PKD1L1: variants seen among roughly 807,000 people sequenced by gnomAD.
PKD1L1 encodes polycystin 1 like 1, transient receptor potential channel interacting, also known as polycystin-1-like protein 1.
A neutral mutation model predicts 323.4 loss-of-function variants in PKD1L1; 236 were observed. That is an observed-to-expected ratio of 0.73 (90% CI 0.66 to 0.81). The LOEUF (loss-of-function observed/expected upper bound fraction) is 0.81, where lower values mean the gene tolerates loss of function less well. PKD1L1 is among the 40% of genes least tolerant of loss of function. The pLI is 0.00. For synonymous variants in PKD1L1, 1,344 were observed against 1,335.0 expected (o/e 1.01, Z -0.15); for missense variants, 3,320 against 3,508.0 (o/e 0.95, Z 1.35).
At chr7:47,939,441 C>G (rs572646850) in intron 3 of PKD1L1, among the ~76,000 whole-genome samples, 2 of 152,246 alleles carry the variant, frequency 1.3e-5, no homozygotes, top group African/African-American at 4.8e-5. Context: ...CTGTGCATGT[C>G]CCTTTGGAAC....
intron 7 of PKD1L1, among the ~76,000 whole-genome samples, chr7:47,920,014 C>T (rs2128753429): frequency 6.6e-6 from 1 of 152,142 alleles, no homozygotes; most frequent in East Asian, 1.9e-4. Context: ...AAGTCCTAGC[C>T]AGAGCAATCA....
At chr7:47,784,942 C>G (rs1786775372) in intron 56 of PKD1L1, among the ~76,000 whole-genome samples, 1 of 152,058 alleles carries the variant, frequency 6.6e-6, no homozygotes, top group Non-Finnish European at 1.5e-5. Flanking sequence ...CATCACCCAC[C>G]ACTTCTTTTT....
At chr7:47,924,346 G>A (rs1052277814) in intron 7 of PKD1L1, among the ~76,000 whole-genome samples, 23 of 152,188 alleles carry the variant, frequency 1.5e-4, no homozygotes, top group African/African-American at 4.8e-4. Flanking sequence ...CCTTGGCAGG[G>A]ATGTGAGGGG....
chr7:47,942,331 C>T (rs1317149503), intron 2 of PKD1L1, among the ~76,000 whole-genome samples: 1 of 152,058 alleles, frequency 6.6e-6, no homozygotes, highest in South Asian at 2.1e-4. Context: ...CAGGCAAACC[C>T]CTGGCATTTA....
chr7:47,790,716 T>C (rs2128723238), intron 56 of PKD1L1, among the ~76,000 whole-genome samples: 1 of 152,296 alleles, frequency 6.6e-6, no homozygotes, highest in Middle Eastern at 3.4e-3. Flanking sequence ...TTATCTTTTT[T>C]TAAGTCCAGC....
In PKD1L1 at chr7:47,866,399, C is replaced by T; in HGVS notation, c.4092+20G>A. On this transcript the variant is annotated intron_variant, in intron 25 of 56. Coordinates refer to ENST00000289672, the MANE Select transcript of PKD1L1 (RefSeq NM_138295.5). ...GATAAAGGTTTACAGACACTAAACT[C>T]ACCCTCCTCTGAGCCATACCTGATC... is the stretch of plus-strand genomic sequence containing the variant. 2 of 1,607,048 alleles carry T rather than the reference C, an allele frequency of 1.2e-6. No individual in the cohort carries two copies. Among genetic ancestry groups the T allele is most frequent in the Non-Finnish European group, 1.7e-6 (2 of 1,177,542 alleles).
chr7:47,791,288 C>T (rs949872297), intron 56 of PKD1L1, among the ~76,000 whole-genome samples: 2 of 152,100 alleles, frequency 1.3e-5, no homozygotes, highest in Admixed American at 1.3e-4. Context: ...AACTTTTTTT[C>T]TCTTGCAGAA....
chr7:47,880,284 A>ATATTTTTTTTTT (rs1225214936), intron 21 of PKD1L1, among the ~76,000 whole-genome samples: 1 of 56,778 alleles, frequency 1.8e-5, no homozygotes, highest in South Asian at 7.3e-4. Flanking sequence ...ATATATATAT[A>ATATTTTTTTTTT]TTTTTTTTTT....
chr7:47,824,062 G>A (rs976673438), intron 45 of PKD1L1, among the ~76,000 whole-genome samples: 1 of 152,158 alleles, frequency 6.6e-6, no homozygotes, highest in Non-Finnish European at 1.5e-5. Flanking sequence ...GTTATTAATT[G>A]CTCCCTTGCC....
At chr7:47,884,478 C>T in intron 19 of PKD1L1, 120 bp downstream of exon 19, 1 of 878,102 alleles carries the variant, frequency 1.1e-6, no homozygotes, top group Non-Finnish European at 1.9e-6. Context: ...TCAACTTTTC[C>T]CTGTGATTCT....
rs76044743 is a variant in PKD1L1 at position 47,885,937 on chromosome 7, G to A, written c.2954C>T (p.Thr985Ile). 8.8e-3 allele frequency: 14,269 copies of A among 1,614,204 alleles called. 95 individuals are homozygous for A. Among genetic ancestry groups the A allele is most frequent in the African/African-American group, 0.03 (2,241 of 75,054 alleles). ...TGAAGGTTCCCGTGAGAATGGTGTGGTCGTTGCATCAGGATCTGCAGTGCC... is the reference window on the plus strand; with the variant it reads ...TGAAGGTTCCCGTGAGAATGGTGTGATCGTTGCATCAGGATCTGCAGTGCC... ...EPGTADPDATTTPFSREPSPV... is the reference protein window; with the variant it reads ...EPGTADPDATITPFSREPSPV... Residue 985 changes from threonine to isoleucine, a missense_variant, in exon 18 of 57, where the codon ACC becomes ATC. Physicochemically the swap from Thr to Ile is moderately conservative, Grantham distance 89. Coordinates refer to ENST00000289672, the MANE Select transcript of PKD1L1 (RefSeq NM_138295.5).
intron 21 of PKD1L1, among the ~76,000 whole-genome samples, chr7:47,878,917 G>A (rs1190633448): frequency 6.6e-6 from 1 of 152,238 alleles, no homozygotes; most frequent in Non-Finnish European, 1.5e-5. Context: ...GGTGGGCCAT[G>A]GAGAGACTCT....
At position 47,839,727 on chromosome 7, in the gene PKD1L1, C is replaced by G; in HGVS notation, c.5553-65G>C. On this transcript the variant is annotated intron_variant, in intron 35 of 56. Transcript: ENST00000289672. The surrounding 1 kb of genome is among the most constrained non-coding windows in gnomAD (Gnocchi z 4.3). ...CAGTGTGGTCCTGGCATCCCATCAG[C>G]CCCAATGCTCACCCTCAAGGCACTG... The G allele has an allele frequency of 1.4e-6, 2 of 1,450,228 alleles. No homozygotes were observed. The highest frequency in any genetic ancestry group is 1.9e-6 in the Non-Finnish European group (2 of 1,064,424). The allele number at this position is 1,450,228 out of a possible 1,614,324, so 89.8% of individuals were successfully genotyped here. A position where few individuals can be genotyped will look rare whatever the true frequency, so the allele number is the denominator to read the frequency against.
chr7:47,944,684 G>A (rs1406946275), intron 1 of PKD1L1, among the ~76,000 whole-genome samples: 1 of 152,242 alleles, frequency 6.6e-6, no homozygotes, highest in African/African-American at 2.4e-5. Flanking sequence ...CACAGCTGGT[G>A]ACTTTCCCTC....
At chr7:47,835,100 G>A (rs766684645) in intron 38 of PKD1L1, 33 bp downstream of exon 38, 1 of 1,607,224 alleles carries the variant, frequency 6.2e-7, no homozygotes, top group East Asian at 2.2e-5. Context: ...GGCTGCTCAG[G>A]AGAACAGGGC....
chr7:47,947,583 A>G lies in PKD1L1; in HGVS notation c.44+814T>C, dbSNP rs572197242. On this transcript the variant is annotated intron_variant, in intron 1 of 56. Transcript: ENST00000289672. ...GTTTGCACCATGTCACACTGCCATG[A>G]GACAGTCAACAGCAGAGCACACAGG... 3.0e-4 allele frequency among the ~76,000 whole-genome samples: 46 copies of G among 152,390 alleles called. 1 individual carries two copies. Among genetic ancestry groups the G allele is most frequent in the Admixed American group, 1.7e-3 (26 of 15,312 alleles).
the PKD1L1 span, among the ~76,000 whole-genome samples, chr7:47,959,856 C>T: frequency 1.1e-4 from 16 of 150,624 alleles, no homozygotes; most frequent in Non-Finnish European, 1.9e-4. Context: ...GCCACCACCC[C>T]GTCTGGGAGG....
intron 47 of PKD1L1, among the ~76,000 whole-genome samples, chr7:47,814,238 G>A (rs1347904603): frequency 2.0e-5 from 3 of 152,098 alleles, no homozygotes; most frequent in South Asian, 2.1e-4. Context: ...CGTTCAAATG[G>A]TGTTCGTAAC....
intron 31 of PKD1L1, among the ~76,000 whole-genome samples, chr7:47,852,843 C>T (rs1785811726): frequency 6.6e-6 from 1 of 152,018 alleles, no homozygotes; most frequent in Non-Finnish European, 1.5e-5. Context: ...AGCCTGAGCA[C>T]AAGCAGAGCC....
Sources: allele counts gnomAD v4.1 joint callset (sites outside exome capture counted in the v4.1 genomes callset), GRCh38; gene constraint gnomAD v4.1.1; non-coding constraint Gnocchi (gnomAD v3.1); transcripts MANE v1.5; gene names NCBI Gene and HGNC (gene_info 2026-07-23, HGNC 2026-07-21).